AGAP1: variants seen among roughly 807,000 people sequenced by gnomAD.
The protein encoded by AGAP1 is arf-GAP with GTPase, ANK repeat and PH domain-containing protein 1.
A neutral mutation model predicts 105.3 loss-of-function variants in AGAP1; 29 were observed. That is an observed-to-expected ratio of 0.28 (90% CI 0.21 to 0.38). The LOEUF is 0.38. Ranked by LOEUF, AGAP1 falls within the 10% of genes least tolerant of loss-of-function variation. The pLI is 1.00. For missense variants in AGAP1, 998 were observed against 1,165.1 expected, an observed-to-expected ratio of 0.86 and a Z score of 2.09; for synonymous variants, 509 against 485.9, an observed-to-expected ratio of 1.05 and a Z score of -0.63.
rs34419216 is a variant in AGAP1 at position 236,098,620 on chromosome 2, C to CTTTTTTTTTTTTT, written c.2115-21565_2115-21553dup. 3.0e-3 allele frequency among the ~76,000 whole-genome samples: 344 copies of CTTTTTTTTTTTTT among 115,198 alleles called. 16 individuals carry two copies. The highest frequency in any genetic ancestry group is 0.013 in the African/African-American group (332 of 25,752). 75.6% of individuals were successfully genotyped at this position (115,198 alleles called of 152,430 possible). On this transcript the variant is annotated intron_variant, in intron 16 of 17. Transcript: ENST00000304032. Reference sequence around the variant, plus strand: ...GCTGACTTGATGAAATCTTTTTTTCCTTTTTTTTTTTTTTTTTTTAGAGAA... The same window carrying CTTTTTTTTTTTTT: ...GCTGACTTGATGAAATCTTTTTTTCCTTTTTTTTTTTTTTTTTTTTTTTTTTTTTTTTAGAGAA...
chr2:235,602,611 C>G (rs149028598), intron 1 of AGAP1, among the ~76,000 whole-genome samples: 2,045 of 152,328 alleles, frequency 0.013, 63 homozygotes, highest in African/African-American at 0.046. Context: ...TGTGGCCATC[C>G]CATTCAGCCT....
chr2:235,705,175 C>T lies in AGAP1; in HGVS notation c.164-4004C>T, dbSNP rs113406702. The stretch of plus-strand genomic sequence containing the variant: ...TGTATTTTTAGTAGAGACGAGGTTT[C>T]GCCATGTTGGCCAGGCTGGTCTTGA... On this transcript the variant is annotated intron_variant, in intron 1 of 17. Coordinates refer to ENST00000304032, the MANE Select transcript of AGAP1 (RefSeq NM_001037131.3). The surrounding 1 kb of genome is among the most constrained non-coding windows in gnomAD (Gnocchi z 4.9). 1.5e-4 allele frequency among the ~76,000 whole-genome samples: 23 copies of T among 151,728 alleles called. No homozygotes were observed. Among genetic ancestry groups the T allele is most frequent in the African/African-American group, 5.6e-4 (23 of 41,308 alleles).
intron 10 of AGAP1, among the ~76,000 whole-genome samples, chr2:235,899,460 C>T (rs2050958829): frequency 6.6e-6 from 1 of 152,210 alleles, no homozygotes; most frequent in Admixed American, 6.5e-5. Flanking sequence ...TTGCAGTGAA[C>T]CAAGATCATG....
rs1201785471 is a variant in AGAP1 at position 235,664,912 on chromosome 2, A to G, written c.164-44267A>G. Among the ~76,000 whole-genome samples, 1 of 152,122 alleles carries G rather than the reference A, an allele frequency of 6.6e-6. No individual in the cohort carries two copies. Among genetic ancestry groups the G allele is most frequent in the Non-Finnish European group, 1.5e-5 (1 of 68,026 alleles). On this transcript the variant is annotated intron_variant, in intron 1 of 17. Transcript: ENST00000304032. This position sits in a 1 kb window ranked among gnomAD's most constrained non-coding sequence, Gnocchi z 5.7. ...ACCTGTGCAATATAGTGAGACCCCC[A>G]TCTTTACCATAAATGAAAAAAACGT...
chr2:235,711,408 T>C (rs1950846961), intron 2 of AGAP1, among the ~76,000 whole-genome samples: 1 of 152,246 alleles, frequency 6.6e-6, no homozygotes, highest in African/African-American at 2.4e-5. Flanking sequence ...CAAAAACTTG[T>C]GCTCTGCCGG....
chr2:236,106,819 G>A (rs1559282258), intron 16 of AGAP1, among the ~76,000 whole-genome samples: 1 of 152,198 alleles, frequency 6.6e-6, no homozygotes, highest in Non-Finnish European at 1.5e-5. Flanking sequence ...GGGGACCCAG[G>A]AGAGAGAAGC....
chr2:235,720,018 G>A lies in AGAP1; in HGVS notation c.310+2374G>A, dbSNP rs1187155961. ...TCTTTGCCCCTCTTAATGAGACCAG[G>A]GAATGGACTTCTACTTCCTGTTCAT... is the stretch of plus-strand genomic sequence containing the variant. On this transcript the variant is annotated intron_variant, in intron 3 of 17. Coordinates refer to ENST00000304032, the MANE Select transcript of AGAP1 (RefSeq NM_001037131.3). The surrounding 1 kb of genome is among the most constrained non-coding windows in gnomAD (Gnocchi z 5.0). 6.6e-6 allele frequency among the ~76,000 whole-genome samples: 1 copy of A among 152,160 alleles called. No homozygotes were observed. Among genetic ancestry groups the A allele is most frequent in the Non-Finnish European group, 1.5e-5 (1 of 68,026 alleles).
chr2:235,764,086 A>G (rs1429188705), intron 6 of AGAP1, among the ~76,000 whole-genome samples: 1 of 99,384 alleles, frequency 1.0e-5, no homozygotes, highest in Non-Finnish European at 2.2e-5. Flanking sequence ...TGGCTGTGAC[A>G]TGTGGAGGCG....
At position 235,973,139 on chromosome 2, in the gene AGAP1, A is replaced by T. The variant is rs528387037; in HGVS notation, c.1645+4516A>T. On this transcript the variant is annotated intron_variant, in intron 13 of 17. Coordinates refer to ENST00000304032, the MANE Select transcript of AGAP1 (RefSeq NM_001037131.3). The surrounding 1 kb of genome is among the most constrained non-coding windows in gnomAD (Gnocchi z 4.7). The stretch of plus-strand genomic sequence containing the variant: ...GTGTCTACACGGGGCTGTCAGGGTG[A>T]CCGATGGAAATTGGGCCGTTCCTGC... 1.1e-4 allele frequency among the ~76,000 whole-genome samples: 16 copies of T among 152,310 alleles called. No homozygotes were observed. Among genetic ancestry groups the T allele is most frequent in the African/African-American group, 3.8e-4 (16 of 41,574 alleles).
intron 6 of AGAP1, among the ~76,000 whole-genome samples, chr2:235,795,828 T>C (rs1277927948): frequency 6.6e-6 from 1 of 152,256 alleles, no homozygotes; most frequent in Non-Finnish European, 1.5e-5. Context: ...TGTAGTTTGA[T>C]GAGAGGCTTT....
rs1175081552 is a variant in AGAP1 at position 236,044,135 on chromosome 2, C to G, written c.1891+3294C>G. ...TGAGAGCCAGTGAATTTGGGAAACT[C>G]TTAACAACGTCCGACTCCCAGGAAG... On this transcript the variant is annotated intron_variant, in intron 15 of 17. Coordinates refer to ENST00000304032, the MANE Select transcript of AGAP1 (RefSeq NM_001037131.3). This position sits in a 1 kb window ranked among gnomAD's most constrained non-coding sequence, Gnocchi z 5.7. 2.0e-5 allele frequency among the ~76,000 whole-genome samples: 3 copies of G among 152,156 alleles called. No homozygotes were observed. Among genetic ancestry groups the G allele is most frequent in the Non-Finnish European group, 4.4e-5 (3 of 68,020 alleles).
At chr2:235,661,543 T>C (rs1456614215) in intron 1 of AGAP1, among the ~76,000 whole-genome samples, 1 of 144,134 alleles carries the variant, frequency 6.9e-6, no homozygotes, top group Non-Finnish European at 1.5e-5. Flanking sequence ...GTGGGGGGGC[T>C]GTAGGATGCT....
chr2:235,942,156 C>G (rs2053289742), intron 12 of AGAP1, among the ~76,000 whole-genome samples: 1 of 152,182 alleles, frequency 6.6e-6, no homozygotes, highest in Non-Finnish European at 1.5e-5. Context: ...TTGAGTCAGC[C>G]TGGGTTATCA....
chr2:235,537,848 T>G (rs893121083), intron 1 of AGAP1, among the ~76,000 whole-genome samples: 1 of 152,192 alleles, frequency 6.6e-6, no homozygotes, highest in African/African-American at 2.4e-5. Flanking sequence ...CGCCCTCCAT[T>G]TTTCTGCACG....
At chr2:235,726,437 A>G (rs148491406) in intron 3 of AGAP1, among the ~76,000 whole-genome samples, 1,692 of 152,318 alleles carry the variant, frequency 0.011, 32 homozygotes, top group African/African-American at 0.033. Context: ...CACGTATGTA[A>G]TTACAAATCA....
At position 235,864,795 on chromosome 2, in the gene AGAP1, G is replaced by C. The variant is rs1575645009; in HGVS notation, c.1051-18550G>C. 6.6e-6 allele frequency among the ~76,000 whole-genome samples: 1 copy of C among 152,154 alleles called. No homozygotes were observed. Among genetic ancestry groups the C allele is most frequent in the Admixed American group, 6.5e-5 (1 of 15,272 alleles). ...TCTTTTCTTTCCTTTGGATGGAGGA[G>C]GTTTGGTTTGGTCTTAGTACCCCAG... On this transcript the variant is annotated intron_variant, in intron 9 of 17. Transcript: ENST00000304032. The surrounding 1 kb of genome is among the most constrained non-coding windows in gnomAD (Gnocchi z 5.0).
intron 1 of AGAP1, among the ~76,000 whole-genome samples, chr2:235,686,590 T>TACACACAC (rs1559350139): frequency 1.0e-5 from 1 of 99,484 alleles, no homozygotes; most frequent in African/African-American, 4.9e-5. Flanking sequence ...CACACACACG[T>TACACACAC]GTGTGTGTAT....
At chr2:235,858,605 A>T (rs866214777) in intron 9 of AGAP1, among the ~76,000 whole-genome samples, 4 of 152,202 alleles carry the variant, frequency 2.6e-5, no homozygotes, top group African/African-American at 9.7e-5. Context: ...AAAAAATATG[A>T]ACTAGTTCAC....
chr2:235,711,663 G>A (rs1037104784), intron 2 of AGAP1, among the ~76,000 whole-genome samples: 2 of 152,190 alleles, frequency 1.3e-5, no homozygotes, highest in Admixed American at 6.5e-5. Flanking sequence ...GTGCCTTCTT[G>A]TTGTGGCATC....
Sources: allele counts gnomAD v4.1 joint callset (sites outside exome capture counted in the v4.1 genomes callset), GRCh38; gene constraint gnomAD v4.1.1; non-coding constraint Gnocchi (gnomAD v3.1); transcripts MANE v1.5; gene names NCBI Gene and HGNC (gene_info 2026-07-23, HGNC 2026-07-21).